DLC1: variants seen among roughly 807,000 people sequenced by gnomAD.
DLC1 encodes the protein rho GTPase-activating protein 7.
DLC1 carries 54 observed loss-of-function variants against 140.3 expected under a neutral mutation model. The observed-to-expected ratio is 0.38, with a 90% CI of 0.31 to 0.48. The LOEUF is 0.48. Ranked by LOEUF, DLC1 falls within the 20% of genes least tolerant of loss-of-function variation. DLC1 has a pLI of 0.96. For missense variants in DLC1, 2,536 were observed against 1,907.0 expected (o/e 1.33, Z -6.14); for synonymous variants, 986 against 728.1 (o/e 1.35, Z -5.70).
intron 5 of DLC1, among the ~76,000 whole-genome samples, chr8:13,213,949 A>G (rs1052996203): frequency 6.6e-6 from 1 of 152,034 alleles, no homozygotes; most frequent in Admixed American, 6.6e-5. Flanking sequence ...ATGCCTGGCT[A>G]ATTTTTGTAT....
At chr8:13,202,335 G>T (rs1353001498) in intron 5 of DLC1, among the ~76,000 whole-genome samples, 2 of 152,168 alleles carry the variant, frequency 1.3e-5, no homozygotes, top group Non-Finnish European at 2.9e-5. Flanking sequence ...ACAGTGTGAT[G>T]TTTTGATACA....
chr8:13,388,927 T>G lies in DLC1; in HGVS notation c.1314+4626A>C, dbSNP rs76004334. Among the ~76,000 whole-genome samples the G allele has an allele frequency of 2.0e-5, 3 of 152,180 alleles. No homozygotes were observed. The East Asian group carries it at 5.8e-4, about 29-fold the overall frequency. ...ATTGAGCATTCAAATATTAGTGACA[T>G]TTTGTTTCTGATATAATAACAGCTC... is the stretch of plus-strand genomic sequence containing the variant. On this transcript the variant is annotated intron_variant, in intron 4 of 17. Transcript: ENST00000276297.
chr8:13,126,520 T>C (rs891100903), intron 5 of DLC1, among the ~76,000 whole-genome samples: 3 of 152,238 alleles, frequency 2.0e-5, no homozygotes, highest in African/African-American at 7.2e-5. Context: ...ACTGCATAGA[T>C]TAAGAATTTC....
At chr8:13,594,347 G>T (rs1346602909) in intron 1 of DLC1, among the ~76,000 whole-genome samples, 1 of 152,036 alleles carries the variant, frequency 6.6e-6, no homozygotes, top group Admixed American at 6.6e-5. Flanking sequence ...CTCTGTATCA[G>T]TTCAGAAGAG....
chr8:13,335,254 TAGC>T (rs1479566091), intron 4 of DLC1, among the ~76,000 whole-genome samples: 1 of 152,070 alleles, frequency 6.6e-6, no homozygotes, highest in African/African-American at 2.4e-5. Context: ...GTGTGAGAAA[TAGC>T]AGCTAGCAGG....
At chr8:13,128,834 C>CA (rs531659822) in intron 5 of DLC1, among the ~76,000 whole-genome samples, 10,261 of 128,604 alleles carry the variant, frequency 0.08, 437 homozygotes, top group African/African-American at 0.12. Context: ...GACTCCGTCT[C>CA]AAAAAAAAAA....
At chr8:13,395,950 CA>C (rs757913420) in intron 3 of DLC1, among the ~76,000 whole-genome samples, 5 of 151,590 alleles carry the variant, frequency 3.3e-5, no homozygotes, top group Non-Finnish European at 5.9e-5. Flanking sequence ...TCTTAAATAG[CA>C]GATAATTTAT....
chr8:13,449,546 C>G (rs748800740), intron 2 of DLC1, among the ~76,000 whole-genome samples: 2 of 152,070 alleles, frequency 1.3e-5, no homozygotes, highest in African/African-American at 2.4e-5. Flanking sequence ...ATTTCCCCAT[C>G]ATTCTCAGCA....
chr8:13,146,872 G>A (rs1445115070), intron 5 of DLC1, among the ~76,000 whole-genome samples: 2 of 152,160 alleles, frequency 1.3e-5, no homozygotes, highest in Admixed American at 6.5e-5. Flanking sequence ...ATAGAGCTCT[G>A]TTTCTAAATA....
intron 1 of DLC1, among the ~76,000 whole-genome samples, chr8:13,514,290 C>T (rs1260411864): frequency 6.6e-6 from 1 of 151,760 alleles, no homozygotes; most frequent in East Asian, 1.9e-4. Flanking sequence ...TCACGTTATG[C>T]CAAGAAATAG....
At chr8:13,426,513 A>G (rs150123251) in intron 2 of DLC1, among the ~76,000 whole-genome samples, 1 of 152,300 alleles carries the variant, frequency 6.6e-6, no homozygotes, top group Non-Finnish European at 1.5e-5. Context: ...CTAAATTCAA[A>G]TGAACCTCAG....
intron 1 of DLC1, among the ~76,000 whole-genome samples, chr8:13,514,029 G>A (rs1159010550): frequency 1.3e-5 from 2 of 151,244 alleles, no homozygotes; most frequent in African/African-American, 2.5e-5. Context: ...GAAATTTCAC[G>A]TGTTTACTTT....
chr8:13,124,983 C>CTT (rs551992122), intron 5 of DLC1, among the ~76,000 whole-genome samples: 1 of 146,328 alleles, frequency 6.8e-6, no homozygotes, highest in Non-Finnish European at 1.5e-5. Context: ...TTCTTTTTTC[C>CTT]TTTTTTTTTT....
At chr8:13,276,124 C>G (rs1831153395) in intron 5 of DLC1, 3 of 1,269,598 alleles carry the variant, frequency 2.4e-6, no homozygotes, top group Non-Finnish European at 2.1e-6. Context: ...AGACCGAACA[C>G]ACTGCCATGA....
intron 2 of DLC1, among the ~76,000 whole-genome samples, chr8:13,480,888 A>G (rs1585180579): frequency 6.6e-6 from 1 of 152,144 alleles, no homozygotes; most frequent in East Asian, 1.9e-4. Flanking sequence ...TGGGCAACAG[A>G]GCCAGACTCC....
intron 1 of DLC1, chr8:13,604,496 T>C (rs1805983350): frequency 6.6e-6 from 1 of 152,202 alleles, no homozygotes; most frequent in Admixed American, 6.6e-5. Flanking sequence ...TATATTGTTA[T>C]ATATGATACA....
intron 1 of DLC1, among the ~76,000 whole-genome samples, chr8:13,599,611 A>G (rs1316396676): frequency 6.6e-6 from 1 of 152,142 alleles, no homozygotes; most frequent in East Asian, 1.9e-4. Context: ...TGAAGAAGTC[A>G]TTTATGAAGA....
In DLC1 at chr8:13,188,266, G is replaced by C. The variant is rs142997138; in HGVS notation, c.1349-72609C>G. Among the ~76,000 whole-genome samples the C allele has an allele frequency of 3.3e-3, 501 of 151,416 alleles. 3 individuals carry two copies. Among genetic ancestry groups the C allele is most frequent in the African/African-American group, 0.012 (478 of 41,362 alleles). On this transcript the variant is annotated intron_variant, in intron 5 of 17. Coordinates refer to ENST00000276297, the MANE Select transcript of DLC1 (RefSeq NM_182643.3). Reference sequence around the variant, plus strand: ...CCAGCTAATTTTTGTATTGTTAGTAGAGAAGGGGTTTCACCACATTGGCCA... The same window carrying C: ...CCAGCTAATTTTTGTATTGTTAGTACAGAAGGGGTTTCACCACATTGGCCA...
At chr8:13,537,292 GC>G (rs1179306701) in intron 1 of DLC1, among the ~76,000 whole-genome samples, 1 of 152,112 alleles carries the variant, frequency 6.6e-6, no homozygotes, top group Non-Finnish European at 1.5e-5. Context: ...TGCCATTCAG[GC>G]CCTCCACAAT....
Sources: gnomAD v4.1 joint callset for allele counts (sites outside exome capture counted in the v4.1 genomes callset) on GRCh38, gnomAD v4.1.1 for gene constraint, MANE v1.5 for transcripts, NCBI Gene and HGNC (gene_info 2026-07-23, HGNC 2026-07-21) for gene names.